Variants in KNG1 observed in about 807,000 individuals in gnomAD.
The protein encoded by KNG1 is kininogen-1.
KNG1 carries 23 observed loss-of-function variants against 47.8 expected under a neutral mutation model. The ratio of observed to expected loss-of-function variants is 0.48; its 90% confidence interval spans 0.35 to 0.68. The LOEUF (loss-of-function observed/expected upper bound fraction) is 0.68. KNG1 is among the 30% of genes least tolerant of loss of function. The pLI is 0.01. For missense variants in KNG1, 762 were observed against 790.2 expected (o/e 0.96, Z 0.43); for synonymous variants, 277 against 277.0 (o/e 1.00, Z 0.00).
rs139525303 is a variant in KNG1, at chr3:186,727,250, T to G, written c.578T>G (p.Leu193Trp). ...AAATTGTTTCAGGTGGTGGCTGGAT[T>G]GAACTTTCGAATTACCTACTCAATT... is the stretch of plus-strand genomic sequence containing the variant. ...KRAQRQVVAGLNFRITYSIVQ... is the reference protein window; with the variant it reads ...KRAQRQVVAGWNFRITYSIVQ... The change falls in exon 5 of 10, where the codon TTG (leucine) becomes TGG (tryptophan). Residue 193 changes from leucine to tryptophan, a missense_variant. By Grantham distance (61) the Leu-to-Trp change is moderately conservative (BLOSUM62 -2). Coordinates refer to ENST00000644859, the MANE Select transcript of KNG1 (RefSeq NM_001102416.3). 7 of 1,611,942 alleles carry G rather than the reference T, an allele frequency of 4.3e-6. No homozygotes were observed. The highest frequency in any genetic ancestry group is 1.7e-5 in the Admixed American group (1 of 60,000).
In KNG1 at chr3:186,720,310, G is replaced by A. The variant is rs543897315; in HGVS notation, c.306+95G>A. 2.7e-5 allele frequency: 21 copies of A among 785,222 alleles called. No homozygotes were observed. The Admixed American group carries it at 3.4e-4, about 13-fold the overall frequency. The allele number at this position is 785,222 out of a possible 1,614,324, so 48.6% of individuals were successfully genotyped here. On this transcript the variant is annotated intron_variant, in intron 2 of 9. Transcript: ENST00000644859. ...AGAAATGATGGCTACTGGTGAGCCTGTTTATGAGAAATGCAAATAAACATT... is the reference window on the plus strand; with the variant it reads ...AGAAATGATGGCTACTGGTGAGCCTATTTATGAGAAATGCAAATAAACATT...
chr3:186,720,972 G>A (rs981511974), intron 2 of KNG1, among the ~76,000 whole-genome samples: 2 of 151,826 alleles, frequency 1.3e-5, no homozygotes, highest in East Asian at 3.9e-4. Context: ...TGTGTTTTTA[G>A]TAGAGACCGG....
At position 186,725,213 on chromosome 3, in the gene KNG1, C is replaced by T. The variant is rs1579116996; in HGVS notation, c.517C>T (p.His173Tyr). ...TCAGTACTTTAACAACAACACTCAA[C>T]ATTCCTCCCTCTTCATGCTTAATGA... ...GIQYFNNNTQ[H>Y]SSLFMLNEVK... is the part of the protein sequence containing the mutation. Residue 173 changes from histidine (H) to tyrosine (Y), a missense_variant, in exon 4 of 10, where the codon CAT (histidine) becomes TAT (tyrosine). His to Tyr is a moderately conservative substitution (Grantham distance 83). Coordinates refer to ENST00000644859, the MANE Select transcript of KNG1 (RefSeq NM_001102416.3). 6.2e-7 allele frequency: 1 copy of T among 1,614,148 alleles called. No homozygotes were observed. Among genetic ancestry groups the T allele is most frequent in the Admixed American group, 1.7e-5 (1 of 60,016 alleles).
At chr3:186,732,823 C>T in intron 7 of KNG1, 149 bp downstream of exon 7, 2 of 715,842 alleles carry the variant, frequency 2.8e-6, no homozygotes, top group East Asian at 5.2e-5. Context: ...AAGTGCCAAT[C>T]TCCCTGTATG....
At position 186,722,504 on chromosome 3, in the gene KNG1, C is replaced by A. The variant is rs777284943; in HGVS notation, c.374C>A (p.Thr125Asn). ...SSTKFSVATQ[T>N]CQITPAEGPV... is the part of the protein sequence containing the mutation. ...ACGAAATTCTCCGTGGCTACCCAGA[C>A]CTGCCAGATTACTCCAGGTGGCTGG... Residue 125 changes from threonine to asparagine, a missense_variant, in exon 3 of 10, where the codon ACC (threonine) becomes AAC (asparagine). By Grantham distance (65) the Thr-to-Asn change is moderately conservative. Coordinates refer to ENST00000644859, the MANE Select transcript of KNG1 (RefSeq NM_001102416.3). 3.7e-6 allele frequency: 6 copies of A among 1,613,544 alleles called. No homozygotes were observed. The Admixed American group carries it at 5.0e-5, about 13-fold the overall frequency.
At chr3:186,735,276 A>C (rs822362) in intron 7 of KNG1, among the ~76,000 whole-genome samples, 56,505 of 151,912 alleles carry the variant, frequency 0.37, 10,629 homozygotes, top group South Asian at 0.48. Context: ...ACTTGAGCCC[A>C]GGAGCGAGAC....
chr3:186,742,434 T>G lies in KNG1; in HGVS notation c.*103T>G. The G allele has an allele frequency of 6.4e-7, 1 of 1,557,806 alleles. No individual in the cohort carries two copies. Among genetic ancestry groups the G allele is most frequent in the Non-Finnish European group, 8.6e-7 (1 of 1,158,976 alleles). ...TCCTGATATAATGCACCAAAAACCA[T>G]GCAGCTTCGGAACAGTCTAAAGAGA... On this transcript the variant is annotated 3_prime_UTR_variant, in exon 10 of 10. Coordinates refer to ENST00000644859, the MANE Select transcript of KNG1 (RefSeq NM_001102416.3).
At chr3:186,723,392 T>G (rs1720260448) in intron 3 of KNG1, among the ~76,000 whole-genome samples, 1 of 152,194 alleles carries the variant, frequency 6.6e-6, no homozygotes, top group Non-Finnish European at 1.5e-5. Context: ...TCAGTACCTA[T>G]TCACCAACCT....
rs184525230 is a variant in KNG1, at chr3:186,726,458, T to G, written c.565-779T>G. 1.0e-4 allele frequency among the ~76,000 whole-genome samples: 15 copies of G among 150,406 alleles called. No homozygotes were observed. In the East Asian group the frequency reaches 2.9e-3, roughly 29 times the overall value. The stretch of plus-strand genomic sequence containing the variant: ...GCACCCACCACCACGCCCGGCTAAT[T>G]TTTGTATTTTTGGTAGAGACAAGGT... On this transcript the variant is annotated intron_variant, in intron 4 of 9. Transcript: ENST00000644859.
At position 186,741,938 on chromosome 3, in the gene KNG1, A is replaced by G. The variant is rs780832685; in HGVS notation, c.1542A>G (p.Gly514=). ...GKHKNKGKKN[G]KHNGWKTEHL... is the part of the protein sequence containing the mutation. ...ATAAAAATAAAGGCAAAAAGAATGG[A>G]AAGCACAATGGTTGGAAAACAGAGC... The change falls in exon 10 of 10, where the codon GGA becomes GGG. Residue 514 remains glycine (G), a synonymous_variant. Coordinates refer to ENST00000644859, the MANE Select transcript of KNG1 (RefSeq NM_001102416.3). The G allele has an allele frequency of 1.2e-6, 2 of 1,614,220 alleles. No individual in the cohort carries two copies. Among genetic ancestry groups the G allele is most frequent in the East Asian group, 4.5e-5 (2 of 44,892 alleles).
At position 186,723,834 on chromosome 3, in the gene KNG1, A is replaced by G. The variant is rs148546222; in HGVS notation, c.392-1254A>G. Among the ~76,000 whole-genome samples, 213 of 152,020 alleles carry G rather than the reference A, an allele frequency of 1.4e-3. No individual in the cohort carries two copies. The East Asian group carries it at 0.016, about 11-fold the overall frequency. On this transcript the variant is annotated intron_variant, in intron 3 of 9. Coordinates refer to ENST00000644859, the MANE Select transcript of KNG1 (RefSeq NM_001102416.3). Reference sequence around the variant, plus strand: ...ACGCCCGGATAATTTTTGTGTTTTTAGTAGAGATGGGGTTTCACCATGTTG... The same window carrying G: ...ACGCCCGGATAATTTTTGTGTTTTTGGTAGAGATGGGGTTTCACCATGTTG...
intron 5 of KNG1, among the ~76,000 whole-genome samples, chr3:186,730,701 T>TACAC (rs1200792056): frequency 1.7e-4 from 11 of 63,292 alleles, no homozygotes; most frequent in Non-Finnish European, 2.6e-4. Flanking sequence ...TATATATATA[T>TACAC]ATATATATAT....
At chr3:186,719,049 CA>C (rs1720108640) in intron 1 of KNG1, among the ~76,000 whole-genome samples, 2 of 151,290 alleles carry the variant, frequency 1.3e-5, no homozygotes, top group South Asian at 4.2e-4. Context: ...AAAATAAACA[CA>C]GTGGACATGT....
chr3:186,721,306 T>C (rs929023507), intron 2 of KNG1: 20 of 152,444 alleles, frequency 1.3e-4, no homozygotes, highest in African/African-American at 4.6e-4. Flanking sequence ...AAGGTGGGGA[T>C]AAGTAGCTGC....
chr3:186,722,117 CAAAAA>C (rs56170982), intron 2 of KNG1: 54,826 of 142,090 alleles, frequency 0.39, 7,132 homozygotes, highest in Middle Eastern at 0.47. Flanking sequence ...CACTCTGTCT[CAAAAA>C]AAAAAAAAAA....
intron 9 of KNG1, among the ~76,000 whole-genome samples, chr3:186,740,197 G>A (rs1183233426): frequency 6.6e-6 from 1 of 152,080 alleles, no homozygotes; most frequent in Non-Finnish European, 1.5e-5. Context: ...AGTCTTAAAA[G>A]AACTCTGGGA....
intron 5 of KNG1, among the ~76,000 whole-genome samples, 200 bp from the exon 6 acceptor site, chr3:186,731,345 A>G (rs1036019086): frequency 2.0e-5 from 3 of 152,234 alleles, no homozygotes; most frequent in East Asian, 1.9e-4. Context: ...GTGCTCATGT[A>G]TATGCATGTA....
chr3:186,725,618 C>A (rs1720343553), intron 4 of KNG1, among the ~76,000 whole-genome samples: 1 of 136,268 alleles, frequency 7.3e-6, no homozygotes, highest in Non-Finnish European at 1.5e-5. Flanking sequence ...GATCTCGGCT[C>A]ACTGCAAGCT....
intron 9 of KNG1, 22 bp downstream of exon 9, chr3:186,739,436 G>T (rs751462643): frequency 6.8e-7 from 1 of 1,476,382 alleles, no homozygotes; most frequent in Non-Finnish European, 9.5e-7. Context: ...ATTACAGTCA[G>T]CGTGGGGTCA....
Sources: gnomAD v4.1 joint callset for allele counts (sites outside exome capture counted in the v4.1 genomes callset) on GRCh38, gnomAD v4.1.1 for gene constraint, MANE v1.5 for transcripts, NCBI Gene and HGNC (gene_info 2026-07-23, HGNC 2026-07-21) for gene names.